The following CEP89 variants were observed in gnomAD, a reference collection of about 807,000 sequenced individuals.
CEP89 encodes the protein centrosomal protein of 89 kDa.
A neutral mutation model predicts 97.6 loss-of-function variants in CEP89; 95 were observed. The observed-to-expected ratio is 0.97, with a 90% CI of 0.82 to 1.15. CEP89 has a LOEUF of 1.15. CEP89 is among the 50% of genes most tolerant of loss of function. CEP89 has a pLI of 0.00. For missense variants in CEP89, 869 were observed against 947.7 expected, an observed-to-expected ratio of 0.92 and a Z score of 1.09; for synonymous variants, 354 against 349.1, an observed-to-expected ratio of 1.01 and a Z score of -0.16.
At chr19:32,926,353 T>C in intron 10 of CEP89, 80 bp from the exon 11 acceptor site, 1 of 998,214 alleles carries the variant, frequency 1.0e-6, no homozygotes, top group African/African-American at 1.6e-5. Context: ...GGCAAGAAGT[T>C]ATACTTTTTT....
At chr19:32,921,232 AG>A (rs760088045) in intron 12 of CEP89, among the ~76,000 whole-genome samples, 31,851 of 148,144 alleles carry the variant, frequency 0.21, 3,711 homozygotes, top group East Asian at 0.51. Flanking sequence ...AAAAAAAAAA[AG>A]AAAGAAAGAA....
chr19:32,895,259 C>A (rs1969616064), intron 16 of CEP89, among the ~76,000 whole-genome samples: 1 of 151,804 alleles, frequency 6.6e-6, no homozygotes, highest in South Asian at 2.1e-4. Context: ...AACAGTACAT[C>A]AAAAAAATAA....
At chr19:32,892,683 A>G (rs1312804625) in intron 16 of CEP89, among the ~76,000 whole-genome samples, 1 of 151,848 alleles carries the variant, frequency 6.6e-6, no homozygotes, top group Non-Finnish European at 1.5e-5. Context: ...AAAGAAAAAA[A>G]AAAAAAAAAA....
intron 12 of CEP89, among the ~76,000 whole-genome samples, chr19:32,919,521 A>G (rs750297151): frequency 1.3e-4 from 20 of 152,312 alleles, no homozygotes; most frequent in South Asian, 1.0e-3. Context: ...GCTCCTGGGC[A>G]CTGTGGGGGT....
intron 2 of CEP89, among the ~76,000 whole-genome samples, chr19:32,964,832 A>G (rs554447497): frequency 6.6e-6 from 1 of 152,244 alleles, no homozygotes; most frequent in South Asian, 2.1e-4. Context: ...CCCTTGTCAG[A>G]ATGATAGATA....
intron 16 of CEP89, among the ~76,000 whole-genome samples, chr19:32,896,328 A>T (rs1969640811): frequency 6.6e-6 from 1 of 152,196 alleles, no homozygotes; most frequent in Non-Finnish European, 1.5e-5. Context: ...ATTTACTGCC[A>T]ACTGCTTTTC....
chr19:32,951,201 A>G (rs565094435), intron 4 of CEP89, among the ~76,000 whole-genome samples: 5 of 152,198 alleles, frequency 3.3e-5, no homozygotes, highest in Non-Finnish European at 7.4e-5. Flanking sequence ...TTATATAAAC[A>G]TACTTTAAAA....
At position 32,900,018 on chromosome 19, in the gene CEP89, G is replaced by A. The variant is rs188560001; in HGVS notation, c.1734-20C>T. 2.2e-4 allele frequency: 361 copies of A among 1,613,086 alleles called. No homozygotes were observed. In the African/African-American group the frequency reaches 4.1e-3, roughly 18 times the overall value. ...GATTTCCTAGAGAGTTACCCCAAAT[G>A]GTAGAATAAAAAGCCCATTAGTTTA... On this transcript the variant is annotated intron_variant, in intron 15 of 18. Coordinates refer to ENST00000305768, the MANE Select transcript of CEP89 (RefSeq NM_032816.5).
Position 32,879,915 on chromosome 19 carries a change from G to C in CEP89, c.2136-537C>G, listed in dbSNP as rs371234114. Among the ~76,000 whole-genome samples the C allele has an allele frequency of 2.7e-3, 411 of 152,324 alleles. 2 individuals are homozygous for C. The highest frequency in any genetic ancestry group is 9.4e-3 in the African/African-American group (390 of 41,580). On this transcript the variant is annotated intron_variant, in intron 18 of 18. Transcript: ENST00000305768. The stretch of plus-strand genomic sequence containing the variant: ...CAGCCCAGAGCTAAGAGCGAGTCAG[G>C]GGGTGAGGTGGGGGACCTGAGGAGA...
At chr19:32,909,723 A>C (rs989324317) in intron 14 of CEP89, among the ~76,000 whole-genome samples, 1 of 152,210 alleles carries the variant, frequency 6.6e-6, no homozygotes, top group Non-Finnish European at 1.5e-5. Context: ...CTAAGGAAAC[A>C]AACGATTGGG....
chr19:32,881,060 G>A (rs541796064), intron 18 of CEP89, among the ~76,000 whole-genome samples: 9 of 152,250 alleles, frequency 5.9e-5, no homozygotes, highest in Non-Finnish European at 1.3e-4. Context: ...TAGAGCCACC[G>A]GCCTGCTCTC....
chr19:32,918,028 A>G (rs1314480994), intron 13 of CEP89, among the ~76,000 whole-genome samples, 196 bp downstream of exon 13: 2 of 152,228 alleles, frequency 1.3e-5, no homozygotes, highest in Non-Finnish European at 2.9e-5. Context: ...GATGAGAGAC[A>G]CTGTGGAGTC....
Position 32,953,768 on chromosome 19 carries a change from A to G in CEP89, c.339T>C (p.Ser113=), listed in dbSNP as rs748341888. The change falls in exon 4 of 19, where the codon TCT becomes TCC. Residue 113 remains serine (S), a synonymous_variant. Coordinates refer to ENST00000305768, the MANE Select transcript of CEP89 (RefSeq NM_032816.5). ...CCAGTGTTTCAAAGGATGGCAAAGA[A>G]GATCTTCTTCCCATCTCACTCTGCC... ...PNWQSEMGRR[S]SLPSFETLDY... The G allele has an allele frequency of 1.9e-6, 3 of 1,614,094 alleles. No homozygotes were observed. In the East Asian group the frequency reaches 6.7e-5, roughly 36 times the overall value.
chr19:32,912,361 G>A (rs1322529768), intron 14 of CEP89, among the ~76,000 whole-genome samples: 1 of 152,124 alleles, frequency 6.6e-6, no homozygotes, highest in Non-Finnish European at 1.5e-5. Context: ...ACAATCAGTT[G>A]ACTTTAAATA....
At chr19:32,952,078 G>A (rs1970931610) in intron 4 of CEP89, among the ~76,000 whole-genome samples, 1 of 152,128 alleles carries the variant, frequency 6.6e-6, no homozygotes, top group Non-Finnish European at 1.5e-5. Context: ...TGCTTGCTAT[G>A]AGAAGCCTAA....
chr19:32,965,647 G>A (rs1190245984), intron 2 of CEP89, among the ~76,000 whole-genome samples: 2 of 151,140 alleles, frequency 1.3e-5, no homozygotes, highest in Non-Finnish European at 2.9e-5. Flanking sequence ...AGTGAGCCAT[G>A]ATTGCACCAC....
chr19:32,966,364 G>A lies in CEP89; in HGVS notation c.142C>T (p.Pro48Ser). ...GCCTGCTCATCTGATACTCACCTTG[G>A]TCTCTCTGGAGATGGGTTGGGGCTG... ...PRSPNPSPERPRSALAAAILA... is the reference protein window; with the variant it reads ...PRSPNPSPERSRSALAAAILA... Residue 48 changes from proline to serine, a missense_variant, in exon 2 of 19, where the codon CCA becomes TCA. Pro to Ser is a moderately conservative substitution (Grantham distance 74, BLOSUM62 -1). Coordinates refer to ENST00000305768, the MANE Select transcript of CEP89 (RefSeq NM_032816.5). 6.6e-7 allele frequency: 1 copy of A among 1,526,380 alleles called. No individual in the cohort carries two copies. The highest frequency in any genetic ancestry group is 2.5e-5 in the East Asian group (1 of 39,908). 94.6% of individuals were successfully genotyped at this position (1,526,380 alleles called of 1,614,324 possible). A position where few individuals can be genotyped will look rare whatever the true frequency, so the allele number is the denominator to read the frequency against.
rs1341443609 is a variant in CEP89 at position 32,876,221 on chromosome 19, C to CTGAGTAG, written c.*2940_*2941insCTACTCA. On this transcript the variant is annotated 3_prime_UTR_variant, in exon 19 of 19. Transcript: ENST00000305768. ...AACCTCCCAGGCTCAAGTGATCCTCCCACCTCAGCCTCCTGAGTAGCTGAA... is the reference window on the plus strand; with the variant it reads ...AACCTCCCAGGCTCAAGTGATCCTCCTGAGTAGCACCTCAGCCTCCTGAGTAGCTGAA... 1 of 152,686 alleles carries CTGAGTAG rather than the reference C, an allele frequency of 6.5e-6. No individual in the cohort carries two copies. Among genetic ancestry groups the CTGAGTAG allele is most frequent in the African/African-American group, 2.4e-5 (1 of 41,454 alleles). The allele number at this position is 152,686 out of a possible 1,614,324, so 9.5% of individuals were successfully genotyped here.
intron 5 of CEP89, among the ~76,000 whole-genome samples, chr19:32,945,178 G>A (rs1221835862): frequency 1.3e-5 from 2 of 151,832 alleles, no homozygotes; most frequent in African/African-American, 4.8e-5. Flanking sequence ...CAGCTACTCA[G>A]GAGGCTGAGG....
Sources: allele counts gnomAD v4.1 joint callset (sites outside exome capture counted in the v4.1 genomes callset), GRCh38; gene constraint gnomAD v4.1.1; transcripts MANE v1.5; gene names NCBI Gene and HGNC (gene_info 2026-07-23, HGNC 2026-07-21).